Variants in EFCAB5 observed in about 807,000 individuals in gnomAD.
The protein encoded by EFCAB5 is EF-hand calcium-binding domain-containing protein 5.
EFCAB5 carries 131 observed loss-of-function variants against 167.9 expected under a neutral mutation model. That is an observed-to-expected ratio of 0.78 (90% CI 0.68 to 0.90). The LOEUF is 0.90. Among genes scored for constraint, EFCAB5 ranks in the 40% least tolerant of loss-of-function variants. The pLI is 0.00. For missense variants in EFCAB5, 1,663 were observed against 1,745.2 expected (o/e 0.95, Z 0.84); for synonymous variants, 574 against 602.8 (o/e 0.95, Z 0.70).
At chr17:30,048,872 G>C (rs2070003207) in intron 8 of EFCAB5, among the ~76,000 whole-genome samples, 1 of 152,132 alleles carries the variant, frequency 6.6e-6, no homozygotes, top group African/African-American at 2.4e-5. Flanking sequence ...AATTGACGTA[G>C]CTCTCTCATT....
rs1396809075 is a variant in EFCAB5 at position 30,053,834 on chromosome 17, G to T, written c.1880G>T (p.Gly627Val). The T allele has an allele frequency of 3.7e-6, 6 of 1,613,946 alleles. 1 individual carries two copies. In the South Asian group the frequency reaches 6.6e-5, roughly 18 times the overall value. The change falls in exon 10 of 23, where the codon GGA (glycine) becomes GTA (valine). Residue 627 changes from glycine (G) to valine (V), a missense_variant. Physicochemically the swap from Gly to Val is moderately radical, Grantham distance 109 (BLOSUM62 -3). Transcript: ENST00000394835. The part of the protein sequence containing the change: ...DRHKGSVAEQ[G>V]SRRMSAAEQG... ...CACAAAGGGTCAGTAGCAGAACAAG[G>T]ATCACGCAGAATGTCAGCTGCAGAA...
At chr17:30,042,469 A>T (rs995123981) in intron 8 of EFCAB5, among the ~76,000 whole-genome samples, 1 of 152,202 alleles carries the variant, frequency 6.6e-6, no homozygotes, top group Admixed American at 6.6e-5. Flanking sequence ...ATCATTACAG[A>T]CCCAGCAAAC....
intron 4 of EFCAB5, among the ~76,000 whole-genome samples, chr17:29,990,221 G>A (rs966106501): frequency 7.2e-5 from 11 of 152,140 alleles, no homozygotes; most frequent in African/African-American, 2.7e-4. Context: ...CATGCAGATG[G>A]CCAGTGCTGT....
intron 22 of EFCAB5, among the ~76,000 whole-genome samples, chr17:30,097,563 T>C (rs2151855976): frequency 6.6e-6 from 1 of 152,358 alleles, no homozygotes. Context: ...TTAAACCTTA[T>C]CAGTCAATTT....
At chr17:29,978,170 A>G (rs139141326) in intron 4 of EFCAB5, among the ~76,000 whole-genome samples, 40 of 152,262 alleles carry the variant, frequency 2.6e-4, no homozygotes, top group African/African-American at 9.1e-4. Flanking sequence ...TGCTTATATT[A>G]TGCTAGGAAA....
At chr17:30,013,355 T>G (rs1351382011) in intron 7 of EFCAB5, among the ~76,000 whole-genome samples, 1 of 152,226 alleles carries the variant, frequency 6.6e-6, no homozygotes, top group Non-Finnish European at 1.5e-5. Context: ...TTCTATTGAT[T>G]GGAATAGTTT....
At chr17:30,083,901 C>T (rs192350752) in intron 18 of EFCAB5, among the ~76,000 whole-genome samples, 5 of 152,230 alleles carry the variant, frequency 3.3e-5, no homozygotes, top group African/African-American at 7.2e-5. Context: ...TATATGACAC[C>T]GATTTTTTTA....
At chr17:30,002,399 A>G (rs1057495471) in intron 7 of EFCAB5, among the ~76,000 whole-genome samples, 1 of 152,222 alleles carries the variant, frequency 6.6e-6, no homozygotes, top group African/African-American at 2.4e-5. Context: ...CAAAATTAAG[A>G]TACAAAACTA....
At chr17:30,037,589 T>A (rs1478285220) in intron 8 of EFCAB5, among the ~76,000 whole-genome samples, 1 of 152,182 alleles carries the variant, frequency 6.6e-6, no homozygotes, top group Non-Finnish European at 1.5e-5. Context: ...TTTTTAATGA[T>A]AATACCTATC....
At chr17:30,023,200 T>C (rs1353855797) in intron 7 of EFCAB5, among the ~76,000 whole-genome samples, 1 of 151,152 alleles carries the variant, frequency 6.6e-6, no homozygotes, top group Non-Finnish European at 1.5e-5. Context: ...CTGAAGGAAA[T>C]AGAGACAAAA....
chr17:29,994,100 T>C (rs2068481750), intron 5 of EFCAB5, among the ~76,000 whole-genome samples: 1 of 134,378 alleles, frequency 7.4e-6, no homozygotes, highest in Non-Finnish European at 1.6e-5. Context: ...AGGGACTACG[T>C]CTCTTAAAAA....
intron 7 of EFCAB5, among the ~76,000 whole-genome samples, chr17:30,002,732 A>C (rs914445248): frequency 1.3e-5 from 2 of 152,164 alleles, no homozygotes; most frequent in Admixed American, 6.6e-5. Context: ...TTCTATAGCC[A>C]TTCTTTTACA....
intron 7 of EFCAB5, among the ~76,000 whole-genome samples, chr17:30,006,069 A>C (rs1173224230): frequency 6.6e-6 from 1 of 152,220 alleles, no homozygotes; most frequent in Non-Finnish European, 1.5e-5. Flanking sequence ...CTTTGCGTGT[A>C]AATTCTGCCT....
intron 3 of EFCAB5, chr17:29,968,313 T>A (rs755457496): frequency 2.2e-6 from 1 of 454,076 alleles, no homozygotes; most frequent in East Asian, 7.0e-5. Context: ...TAATCCCATT[T>A]CCCTTTACCA....
chr17:30,099,178 A>C (rs2071346478), intron 22 of EFCAB5, among the ~76,000 whole-genome samples: 1 of 152,210 alleles, frequency 6.6e-6, no homozygotes, highest in African/African-American at 2.4e-5. Flanking sequence ...GAGTGCAAAC[A>C]TATGGTAACT....
intron 8 of EFCAB5, among the ~76,000 whole-genome samples, chr17:30,037,487 A>C (rs1037280292): frequency 6.6e-6 from 1 of 152,184 alleles, no homozygotes; most frequent in African/African-American, 2.4e-5. Context: ...GCAGGACTCT[A>C]TATAAGCACC....
At chr17:29,945,610 G>A (rs2067382129) in intron 3 of EFCAB5, among the ~76,000 whole-genome samples, 1 of 151,676 alleles carries the variant, frequency 6.6e-6, no homozygotes, top group African/African-American at 2.4e-5. Context: ...TATACTACAA[G>A]GCTATAGTTC....
intron 7 of EFCAB5, among the ~76,000 whole-genome samples, chr17:30,030,666 C>T (rs980162357): frequency 7.0e-6 from 1 of 142,256 alleles, no homozygotes; most frequent in African/African-American, 2.6e-5. Context: ...TTAACTAATT[C>T]TTTTTTTTTT....
At chr17:29,972,896 G>C (rs997626463) in intron 4 of EFCAB5, 1 of 174,118 alleles carries the variant, frequency 5.7e-6, no homozygotes, top group African/African-American at 2.4e-5. Flanking sequence ...CAGGGTTGAG[G>C]CTGACTCTGT....
Sources: allele counts gnomAD v4.1 joint callset (sites outside exome capture counted in the v4.1 genomes callset), GRCh38; gene constraint gnomAD v4.1.1; transcripts MANE v1.5; gene names NCBI Gene and HGNC (gene_info 2026-07-23, HGNC 2026-07-21).